The following ZNF780B variants were observed in gnomAD, a reference collection of about 807,000 sequenced individuals.
ZNF780B encodes the protein zinc finger protein 780B.
A neutral mutation model predicts 74.1 loss-of-function variants in ZNF780B; 52 were observed. The ratio of observed to expected loss-of-function variants is 0.70; its 90% CI spans 0.56 to 0.88. The LOEUF (loss-of-function observed/expected upper bound fraction) is 0.88. Among genes scored for constraint, ZNF780B ranks in the 40% least tolerant of loss-of-function variants. The probability of loss-of-function intolerance (pLI) is 0.00; values close to 1 mark genes in which losing one functional copy is unlikely to be tolerated. For missense variants in ZNF780B, 953 were observed against 1,007.6 expected (o/e 0.95, Z 0.73); for synonymous variants, 315 against 324.3 (o/e 0.97, Z 0.31).
In ZNF780B at chr19:40,029,294, A is replaced by G. The variant is rs949587172; in HGVS notation, c.*5063T>C. The stretch of plus-strand genomic sequence containing the variant: ...CTTCTTTTCTGGGGAGTCTATGAAC[A>G]TTCAAGATAACATCCATGACTGAAT... On this transcript the variant is annotated 3_prime_UTR_variant, in exon 5 of 5. Transcript: ENST00000434248. 6.5e-6 allele frequency: 1 copy of G among 152,888 alleles called. No homozygotes were observed. The highest frequency in any genetic ancestry group is 1.5e-5 in the Non-Finnish European group (1 of 68,198). The allele number at this position is 152,888 out of a possible 1,614,324, so 9.5% of individuals were successfully genotyped here. A position where few individuals can be genotyped will look rare whatever the true frequency, so the allele number is the denominator to read the frequency against.
chr19:40,040,351 G>T (rs234297), intron 4 of ZNF780B, among the ~76,000 whole-genome samples: 10,902 of 152,208 alleles, frequency 0.072, 1,292 homozygotes, highest in African/African-American at 0.25. Flanking sequence ...TGTTCATGAA[G>T]GATATTCGTC....
chr19:40,032,612 G>A lies in ZNF780B; in HGVS notation c.*1745C>T, dbSNP rs1972049671. On this transcript the variant is annotated 3_prime_UTR_variant, in exon 5 of 5. Transcript: ENST00000434248. ...GGGTGCCTCTAGTCCCAGCTACTCA[G>A]GAGGCTGAGGCGGGAGAATGGCGTG... is the stretch of plus-strand genomic sequence containing the variant. The A allele has an allele frequency of 1.2e-5, 2 of 171,770 alleles. No homozygotes were observed. Among genetic ancestry groups the A allele is most frequent in the African/African-American group, 4.8e-5 (2 of 41,452 alleles). 10.6% of individuals were successfully genotyped at this position (171,770 alleles called of 1,614,324 possible).
intron 1 of ZNF780B, 132 bp from the exon 2 acceptor site, chr19:40,050,509 G>C: frequency 2.2e-6 from 2 of 916,548 alleles, no homozygotes; most frequent in South Asian, 3.4e-5. Flanking sequence ...CCCTTCTCCC[G>C]TCACTCCCTT....
intron 4 of ZNF780B, among the ~76,000 whole-genome samples, chr19:40,044,096 G>C (rs1972813069): frequency 6.6e-6 from 1 of 152,078 alleles, no homozygotes; most frequent in Non-Finnish European, 1.5e-5. Flanking sequence ...GTTTTCCTCA[G>C]AACATCTGAA....
chr19:40,049,515 A>T (rs1973110199), intron 2 of ZNF780B, among the ~76,000 whole-genome samples: 1 of 152,146 alleles, frequency 6.6e-6, no homozygotes, highest in Non-Finnish European at 1.5e-5. Flanking sequence ...GTTACTGCCC[A>T]CTGTCCTCAC....
intron 2 of ZNF780B, among the ~76,000 whole-genome samples, chr19:40,049,687 C>T (rs1397390353): frequency 1.3e-5 from 2 of 152,190 alleles, no homozygotes; most frequent in African/African-American, 4.8e-5. Context: ...TCATCTGTAA[C>T]TTATCAAACC....
intron 4 of ZNF780B, among the ~76,000 whole-genome samples, chr19:40,037,917 T>A (rs1014744427): frequency 4.8e-4 from 72 of 150,206 alleles, no homozygotes; most frequent in African/African-American, 1.6e-3. Flanking sequence ...TTTTTTTAAT[T>A]TTATTATTAT....
At chr19:40,046,935 C>G (rs1024011563) in intron 4 of ZNF780B, among the ~76,000 whole-genome samples, 1 of 152,146 alleles carries the variant, frequency 6.6e-6, no homozygotes, top group East Asian at 1.9e-4. Context: ...ATCCAAAATA[C>G]GTGTTAAAAG....
intron 2 of ZNF780B, chr19:40,049,052 A>C (rs1599792753): frequency 8.5e-5 from 32 of 374,496 alleles, no homozygotes; most frequent in South Asian, 2.0e-4. Flanking sequence ...AACGAGATGC[A>C]CTCCCTGGAA....
chr19:40,043,856 G>A (rs142454440), intron 4 of ZNF780B, among the ~76,000 whole-genome samples: 110 of 152,314 alleles, frequency 7.2e-4, no homozygotes, highest in African/African-American at 2.5e-3. Context: ...TGCACTTCCC[G>A]AGTGAGGCAA....
chr19:40,035,967 T>C lies in ZNF780B; in HGVS notation c.892A>G (p.Ile298Val), dbSNP rs376957040. The C allele has an allele frequency of 6.8e-6, 11 of 1,613,866 alleles. 1 individual carries two copies. The highest frequency in any genetic ancestry group is 1.6e-4 in the Middle Eastern group (1 of 6,082). ...ACAAAGGGTTTCTCATTGGAATGAA[T>C]TTTTTGATGCTGAATAAGATTTGAA... Reference protein sequence around the residue: ...RGSNLIQHQKIHSNEKPFVCR... With the variant: ...RGSNLIQHQKVHSNEKPFVCR... Residue 298 changes from isoleucine (I) to valine (V), a missense_variant, in exon 5 of 5, where the codon ATT becomes GTT. By Grantham distance (29) the Ile-to-Val change is conservative. Coordinates refer to ENST00000434248, the MANE Select transcript of ZNF780B (RefSeq NM_001005851.3).
Position 40,033,430 on chromosome 19 carries a change from G to GT in ZNF780B, c.*926dup, listed in dbSNP as rs1972082061. 1 of 154,526 alleles carries GT rather than the reference G, an allele frequency of 6.5e-6. No individual in the cohort carries two copies. The highest frequency in any genetic ancestry group is 1.5e-5 in the Non-Finnish European group (1 of 68,232). 9.6% of individuals were successfully genotyped at this position (154,526 alleles called of 1,614,324 possible). A position where few individuals can be genotyped will look rare whatever the true frequency, so the allele number is the denominator to read the frequency against. The stretch of plus-strand genomic sequence containing the variant: ...CAGCTACTCTACATTCCTCACATCA[G>GT]TAACTTTCTCACCAAAATTATCTTC... On this transcript the variant is annotated 3_prime_UTR_variant, in exon 5 of 5. Transcript: ENST00000434248.
At chr19:40,041,323 C>T (rs962330398) in intron 4 of ZNF780B, among the ~76,000 whole-genome samples, 4 of 152,122 alleles carry the variant, frequency 2.6e-5, no homozygotes, top group Non-Finnish European at 5.9e-5. Context: ...GCTTTACTTC[C>T]AACTATGTGG....
At chr19:40,040,369 C>G (rs575777445) in intron 4 of ZNF780B, among the ~76,000 whole-genome samples, 1 of 152,254 alleles carries the variant, frequency 6.6e-6, no homozygotes, top group East Asian at 1.9e-4. Flanking sequence ...GTCTAAAATT[C>G]TCTTTTTTCG....
In ZNF780B at chr19:40,028,727, A is replaced by C. The variant is rs1971941221; in HGVS notation, c.*5630T>G. 6.6e-6 allele frequency: 1 copy of C among 152,190 alleles called. No homozygotes were observed. Among genetic ancestry groups the C allele is most frequent in the African/African-American group, 2.4e-5 (1 of 41,438 alleles). 9.4% of individuals were successfully genotyped at this position (152,190 alleles called of 1,614,324 possible). A position where few individuals can be genotyped will look rare whatever the true frequency, so the allele number is the denominator to read the frequency against. ...TGATACTGTGGCCTTGCTCTAAACC[A>C]ATCATGAATTTTACCATTCTGGCAT... On this transcript the variant is annotated 3_prime_UTR_variant, in exon 5 of 5. Transcript: ENST00000434248.
At position 40,032,711 on chromosome 19, in the gene ZNF780B, C is replaced by A. The variant is rs577405843; in HGVS notation, c.*1646G>T. ...CCAGTCTGGGCGACAGAGCGAGACT[C>A]CATCTCAAAAAAAAAAAAAAAAAAA... On this transcript the variant is annotated 3_prime_UTR_variant, in exon 5 of 5. Coordinates refer to ENST00000434248, the MANE Select transcript of ZNF780B (RefSeq NM_001005851.3). 7.3e-6 allele frequency: 1 copy of A among 137,404 alleles called. No homozygotes were observed. Among genetic ancestry groups the A allele is most frequent in the Non-Finnish European group, 1.5e-5 (1 of 65,876 alleles). 8.5% of individuals were successfully genotyped at this position (137,404 alleles called of 1,614,324 possible). A position where few individuals can be genotyped will look rare whatever the true frequency, so the allele number is the denominator to read the frequency against.
chr19:40,034,076 C>A lies in ZNF780B; in HGVS notation c.*281G>T. ...GTAAGATCATAATTACTGCTAAAGG[C>A]CTTTTCACATTCCTTACATTCATAG... On this transcript the variant is annotated 3_prime_UTR_variant, in exon 5 of 5. Transcript: ENST00000434248. The A allele has an allele frequency of 6.1e-6, 3 of 493,768 alleles. No homozygotes were observed. The highest frequency in any genetic ancestry group is 1.1e-5 in the Non-Finnish European group (3 of 266,102). 30.6% of individuals were successfully genotyped at this position (493,768 alleles called of 1,614,324 possible).
At chr19:40,055,030 CCCAA>C (rs1262570929) in intron 1 of ZNF780B, among the ~76,000 whole-genome samples, 2 of 152,206 alleles carry the variant, frequency 1.3e-5, no homozygotes, top group Admixed American at 6.5e-5. Context: ...ATGGAAATCA[CCCAA>C]CCATCTCCAT....
intron 4 of ZNF780B, among the ~76,000 whole-genome samples, chr19:40,045,489 A>G (rs1433631809): frequency 1.3e-5 from 2 of 152,226 alleles, no homozygotes; most frequent in Non-Finnish European, 2.9e-5. Context: ...AAAGGAAGAT[A>G]AAATCAGTAT....
Sources: allele counts gnomAD v4.1 joint callset (sites outside exome capture counted in the v4.1 genomes callset), GRCh38; gene constraint gnomAD v4.1.1; transcripts MANE v1.5; gene names NCBI Gene and HGNC (gene_info 2026-07-23, HGNC 2026-07-21).